The following BAALC variants were observed in gnomAD, a reference collection of about 807,000 sequenced individuals.
The protein encoded by BAALC is brain and acute leukemia cytoplasmic protein.
In BAALC, 9 loss-of-function variants were observed where a neutral mutation model predicts 15.5. The observed-to-expected ratio is 0.58, with a 90% confidence interval of 0.35 to 1.02. The LOEUF (loss-of-function observed/expected upper bound fraction) is 1.02. Among genes scored for constraint, BAALC ranks in the 50% least tolerant of loss-of-function variants. BAALC has a pLI of 0.02. For missense variants in BAALC, 201 were observed against 192.4 expected (o/e 1.04, Z -0.27); for synonymous variants, 80 against 74.6 (o/e 1.07, Z -0.37).
intron 1 of BAALC, among the ~76,000 whole-genome samples, chr8:103,169,851 G>A (rs1405530118): frequency 1.3e-5 from 2 of 152,046 alleles, no homozygotes; most frequent in African/African-American, 4.8e-5. Flanking sequence ...ATTCAGATTT[G>A]GTATTTTGGG....
intron 1 of BAALC, among the ~76,000 whole-genome samples, chr8:103,195,843 C>A (rs1007939960): frequency 3.3e-5 from 5 of 152,168 alleles, no homozygotes; most frequent in Non-Finnish European, 1.5e-5. Context: ...ATTGTTTGAG[C>A]AACCCAGGCA....
At chr8:103,146,081 T>C (rs938288460) in intron 1 of BAALC, among the ~76,000 whole-genome samples, 1 of 152,170 alleles carries the variant, frequency 6.6e-6, no homozygotes, top group Non-Finnish European at 1.5e-5. Context: ...AAGTTACTAT[T>C]ATAGGGAAGA....
At chr8:103,157,196 A>G (rs1811114348) in intron 1 of BAALC, among the ~76,000 whole-genome samples, 1 of 152,078 alleles carries the variant, frequency 6.6e-6, no homozygotes, top group East Asian at 1.9e-4. Flanking sequence ...ATCAAACACC[A>G]TCTGGTTGCA....
chr8:103,172,573 T>G (rs916117670), intron 1 of BAALC, among the ~76,000 whole-genome samples: 3 of 152,034 alleles, frequency 2.0e-5, no homozygotes. Context: ...GGCTAATTTT[T>G]GGTAGAGACG....
At chr8:103,147,485 G>A (rs1025731052) in intron 1 of BAALC, among the ~76,000 whole-genome samples, 2 of 150,938 alleles carry the variant, frequency 1.3e-5, no homozygotes, top group African/African-American at 2.4e-5. Context: ...TTTTTTCTTC[G>A]GTTAATAGGC....
chr8:103,146,369 G>A (rs557474433), intron 1 of BAALC, among the ~76,000 whole-genome samples: 14 of 152,240 alleles, frequency 9.2e-5, no homozygotes, highest in Non-Finnish European at 1.5e-4. Context: ...GGGCTTCCTG[G>A]TGGATAAACC....
At chr8:103,161,397 CT>C (rs1238600199) in intron 1 of BAALC, among the ~76,000 whole-genome samples, 5 of 151,958 alleles carry the variant, frequency 3.3e-5, no homozygotes, top group Non-Finnish European at 5.9e-5. Flanking sequence ...CATACTATAC[CT>C]ACTGTTCTGT....
intron 2 of BAALC, among the ~76,000 whole-genome samples, chr8:103,220,995 T>G (rs1812664345): frequency 6.6e-6 from 1 of 152,220 alleles, no homozygotes; most frequent in Admixed American, 6.5e-5. Flanking sequence ...AACATCTCTA[T>G]TTCCATTTGG....
At chr8:103,192,155 G>A (rs1044539491) in intron 1 of BAALC, among the ~76,000 whole-genome samples, 4 of 152,156 alleles carry the variant, frequency 2.6e-5, no homozygotes, top group African/African-American at 9.7e-5. Context: ...GGGTTCAAGC[G>A]ATTCTCCTGT....
chr8:103,174,498 G>A (rs141162083), intron 1 of BAALC, among the ~76,000 whole-genome samples: 6 of 152,332 alleles, frequency 3.9e-5, no homozygotes, highest in African/African-American at 1.2e-4. Flanking sequence ...CCAGTTAGCC[G>A]ATTTTCTGGG....
intron 2 of BAALC, among the ~76,000 whole-genome samples, chr8:103,225,887 C>T (rs1329005847): frequency 1.3e-5 from 2 of 152,164 alleles, no homozygotes; most frequent in African/African-American, 2.4e-5. Context: ...ATCAGCTACA[C>T]AAGGACACAG....
intron 1 of BAALC, among the ~76,000 whole-genome samples, chr8:103,142,327 T>C (rs1375633987): frequency 1.3e-5 from 2 of 152,252 alleles, no homozygotes; most frequent in East Asian, 3.8e-4. Flanking sequence ...GGACTGTCTG[T>C]GAAAGCTGTA....
chr8:103,158,534 G>A (rs1811151325), intron 1 of BAALC, among the ~76,000 whole-genome samples: 1 of 152,010 alleles, frequency 6.6e-6, no homozygotes, highest in African/African-American at 2.4e-5. Flanking sequence ...TTGCTTTGGT[G>A]CCATTATTAA....
chr8:103,183,796 A>C (rs1563646505), intron 1 of BAALC, among the ~76,000 whole-genome samples: 1 of 152,242 alleles, frequency 6.6e-6, no homozygotes, highest in African/African-American at 2.4e-5. Context: ...CTAAGTTTAC[A>C]GAGTACCATT....
At chr8:103,151,990 C>T (rs552318080) in intron 1 of BAALC, among the ~76,000 whole-genome samples, 1 of 152,204 alleles carries the variant, frequency 6.6e-6, no homozygotes, top group East Asian at 1.9e-4. Flanking sequence ...TCTCCATGGG[C>T]CCTCCCCAAG....
chr8:103,180,775 G>A (rs1811709239), intron 1 of BAALC, among the ~76,000 whole-genome samples: 1 of 152,226 alleles, frequency 6.6e-6, no homozygotes, highest in African/African-American at 2.4e-5. Flanking sequence ...GAGATGTAAA[G>A]CAATGATTGT....
At chr8:103,163,617 A>G (rs554664993) in intron 1 of BAALC, among the ~76,000 whole-genome samples, 323 of 152,288 alleles carry the variant, frequency 2.1e-3, no homozygotes, top group African/African-American at 7.2e-3. Context: ...TGTCTCTGAA[A>G]TGAATGGTTG....
chr8:103,185,494 A>G (rs541502628), intron 1 of BAALC, among the ~76,000 whole-genome samples: 1 of 152,196 alleles, frequency 6.6e-6, no homozygotes, highest in Non-Finnish European at 1.5e-5. Context: ...TACACACATA[A>G]TTTATCAAAG....
At chr8:103,169,647 C>T (rs1391274683) in intron 1 of BAALC, among the ~76,000 whole-genome samples, 2 of 152,198 alleles carry the variant, frequency 1.3e-5, no homozygotes, top group Non-Finnish European at 2.9e-5. Context: ...AGCAGACTCT[C>T]CCAATTTCCT....
Sources: gnomAD v4.1 joint callset for allele counts (sites outside exome capture counted in the v4.1 genomes callset) on GRCh38, gnomAD v4.1.1 for gene constraint, MANE v1.5 for transcripts, NCBI Gene and HGNC (gene_info 2026-07-23, HGNC 2026-07-21) for gene names.